Variants in UNCX observed in about 807,000 individuals in gnomAD.
UNCX encodes the protein UNC homeobox, also known as homeobox protein unc-4 homolog.
A neutral mutation model predicts 14.8 loss-of-function variants in UNCX; 4 were observed. The ratio of observed to expected loss-of-function variants is 0.27; its 90% CI spans 0.13 to 0.62. UNCX has a LOEUF of 0.62. UNCX is among the 20% of genes least tolerant of loss of function. UNCX has a pLI of 0.86. For missense variants in UNCX, 749 were observed against 786.8 expected, an observed-to-expected ratio of 0.95 and a Z score of 0.58; for synonymous variants, 459 against 395.8, an observed-to-expected ratio of 1.16 and a Z score of -1.90.
Position 1,235,868 on chromosome 7 carries a change from A to G in UNCX, c.487A>G (p.Lys163Glu), listed in dbSNP as rs969555243. The G allele has an allele frequency of 1.9e-6, 3 of 1,611,814 alleles. No individual in the cohort carries two copies. The highest frequency in any genetic ancestry group is 1.3e-5 in the African/African-American group (1 of 74,838). The change falls in exon 3 of 3, where the codon AAG becomes GAG. Residue 163 changes from lysine to glutamate, a missense_variant. Coordinates refer to ENST00000316333, the MANE Select transcript of UNCX (RefSeq NM_001080461.3). The part of the protein sequence containing the change: ...FQNRRAKWRK[K>E]ENTKKGPGRP... ...AAACCGCCGGGCCAAGTGGAGGAAG[A>G]AGGAGAACACGAAAAAGGGCCCGGG...
Position 1,233,314 on chromosome 7 carries a change from C to A in UNCX, c.274+23C>A. On this transcript the variant is annotated intron_variant, in intron 1 of 2. Transcript: ENST00000316333. This position sits in a 1 kb window ranked among gnomAD's most constrained non-coding sequence, Gnocchi z 5.3. Reference sequence around the variant, plus strand: ...CAGGTAGGCGCGGCGGGCGGGAGGGCGGGGAGGAGTGCGGCTGGGGGCGGG... The same window carrying A: ...CAGGTAGGCGCGGCGGGCGGGAGGGAGGGGAGGAGTGCGGCTGGGGGCGGG... 2.2e-6 allele frequency: 1 copy of A among 452,266 alleles called. No homozygotes were observed. Among genetic ancestry groups the A allele is most frequent in the Non-Finnish European group, 3.3e-6 (1 of 304,774 alleles). 28.0% of individuals were successfully genotyped at this position (452,266 alleles called of 1,614,324 possible). A position where few individuals can be genotyped will look rare whatever the true frequency, so the allele number is the denominator to read the frequency against.
intron 2 of UNCX, 22 bp from the exon 3 acceptor site, chr7:1,235,810 C>G (rs200535563): frequency 6.2e-7 from 1 of 1,600,306 alleles, no homozygotes; most frequent in South Asian, 1.1e-5. Context: ...GTGGCTTCCT[C>G]TCCCCTATCC....
chr7:1,235,809 T>C (rs1416302299), intron 2 of UNCX, 23 bp from the exon 3 acceptor site: 1 of 1,598,858 alleles, frequency 6.3e-7, no homozygotes, highest in South Asian at 1.1e-5. Flanking sequence ...TGTGGCTTCC[T>C]CTCCCCTATC....
chr7:1,236,422 C>G lies in UNCX; in HGVS notation c.1041C>G (p.Ala347=). The G allele has an allele frequency of 7.3e-7, 1 of 1,367,420 alleles. No homozygotes were observed. Among genetic ancestry groups the G allele is most frequent in the Non-Finnish European group, 9.4e-7 (1 of 1,058,254 alleles). 84.7% of individuals were successfully genotyped at this position (1,367,420 alleles called of 1,614,324 possible). ...CCGACTCGCCGCCGCGCCGGAAAGCCGCTTCCAACGCCGCCGCCGCCGCCG... is the reference window on the plus strand; with the variant it reads ...CCGACTCGCCGCCGCGCCGGAAAGCGGCTTCCAACGCCGCCGCCGCCGCCG... ...LLSDSPPRRK[A]ASNAAAAAAA... Residue 347 remains alanine (A), a synonymous_variant, in exon 3 of 3, where the codon GCC becomes GCG. Transcript: ENST00000316333. This position sits in a 1 kb window ranked among gnomAD's most constrained non-coding sequence, Gnocchi z 6.9.
chr7:1,236,489 C>T lies in UNCX; in HGVS notation c.1108C>T (p.Arg370Trp). Residue 370 changes from arginine to tryptophan, a missense_variant, in exon 3 of 3, where the codon CGG becomes TGG. Arg to Trp is a moderately radical substitution (Grantham distance 101). This residue lies in a region of UNCX where 552 missense variants were observed against 507.2 expected (regional missense o/e 1.09). Transcript: ENST00000316333. This position sits in a 1 kb window ranked among gnomAD's most constrained non-coding sequence, Gnocchi z 6.9. The part of the protein sequence containing the change: ...DFAPGLPCAP[R>W]TLIGKGHFLL... ...CGCGCCCGGGCTGCCGTGCGCGCCGCGGACCCTGATCGGCAAGGGCCACTT... is the reference window on the plus strand; with the variant it reads ...CGCGCCCGGGCTGCCGTGCGCGCCGTGGACCCTGATCGGCAAGGGCCACTT... The T allele has an allele frequency of 1.4e-6, 2 of 1,400,000 alleles. No homozygotes were observed. Among genetic ancestry groups the T allele is most frequent in the South Asian group, 1.4e-5 (1 of 72,670 alleles). 86.7% of individuals were successfully genotyped at this position (1,400,000 alleles called of 1,614,324 possible).
chr7:1,233,370 C>G lies in UNCX; in HGVS notation c.274+79C>G. On this transcript the variant is annotated intron_variant, in intron 1 of 2. Transcript: ENST00000316333. This position sits in a 1 kb window ranked among gnomAD's most constrained non-coding sequence, Gnocchi z 5.3. ...TGGTCCGGCCGAGGCGCTGGGGGGC[C>G]CGGGGCTGGCGAAGGAGAGCCGGCT... 1 of 1,319,912 alleles carries G rather than the reference C, an allele frequency of 7.6e-7. No individual in the cohort carries two copies. Among genetic ancestry groups the G allele is most frequent in the Non-Finnish European group, 9.6e-7 (1 of 1,039,432 alleles). The allele number at this position is 1,319,912 out of a possible 1,614,324, so 81.8% of individuals were successfully genotyped here.
In UNCX at chr7:1,234,204, T is replaced by C. The variant is rs556126461; in HGVS notation, c.450+509T>C. Among the ~76,000 whole-genome samples, 7 of 152,372 alleles carry C rather than the reference T, an allele frequency of 4.6e-5. No individual in the cohort carries two copies. The East Asian group carries it at 1.3e-3, about 29-fold the overall frequency. ...GGAAACATGTATTTATTCATCGCTT[T>C]GCAGAAGGGAACAGCTGAGGAAGGG... is the stretch of plus-strand genomic sequence containing the variant. On this transcript the variant is annotated intron_variant, in intron 2 of 2. Coordinates refer to ENST00000316333, the MANE Select transcript of UNCX (RefSeq NM_001080461.3).
chr7:1,233,243 C>T lies in UNCX; in HGVS notation c.226C>T (p.Pro76Ser), dbSNP rs779228105. The T allele has an allele frequency of 2.6e-5, 36 of 1,377,112 alleles. No individual in the cohort carries two copies. The highest frequency in any genetic ancestry group is 3.3e-5 in the Non-Finnish European group (35 of 1,071,206). 85.3% of individuals were successfully genotyped at this position (1,377,112 alleles called of 1,614,324 possible). Reference protein sequence around the residue: ...ASVVNPTPLLPAACGVGGDGQ... With the variant: ...ASVVNPTPLLSAACGVGGDGQ... ...GGTGGTCAACCCCACGCCGCTGCTG[C>T]CAGCCGCCTGCGGGGTCGGCGGGGA... The change falls in exon 1 of 3, where the codon CCA becomes TCA. Residue 76 changes from proline to serine, a missense_variant. Around this residue, in one of 3 missense-constraint regions of UNCX, gnomAD observed 155 missense variants for 166.7 expected, o/e 0.93. Transcript: ENST00000316333. This position sits in a 1 kb window ranked among gnomAD's most constrained non-coding sequence, Gnocchi z 5.3.
intron 2 of UNCX, among the ~76,000 whole-genome samples, chr7:1,234,788 C>A: frequency 7.0e-6 from 1 of 143,656 alleles, no homozygotes; most frequent in Non-Finnish European, 1.5e-5. Flanking sequence ...AAGGAAAAGG[C>A]GGTTACAGCG....
rs1778747439 is a variant in UNCX, at chr7:1,236,590, G to A, written c.1209G>A (p.Glu403=). The change falls in exon 3 of 3, where the codon GAG becomes GAA. Residue 403 remains glutamate, a synonymous_variant. Transcript: ENST00000316333. This position sits in a 1 kb window ranked among gnomAD's most constrained non-coding sequence, Gnocchi z 6.9. The part of the protein sequence containing the change: ...QAALKGGAGL[E]PAPKDAPPAP... ...CGCTCAAGGGCGGCGCGGGCCTGGA[G>A]CCGGCGCCCAAGGACGCGCCGCCCG... The A allele has an allele frequency of 8.3e-7, 1 of 1,198,296 alleles. No homozygotes were observed. Among genetic ancestry groups the A allele is most frequent in the Non-Finnish European group, 1.0e-6 (1 of 965,130 alleles). 74.2% of individuals were successfully genotyped at this position (1,198,296 alleles called of 1,614,324 possible). A position where few individuals can be genotyped will look rare whatever the true frequency, so the allele number is the denominator to read the frequency against.
intron 2 of UNCX, among the ~76,000 whole-genome samples, chr7:1,234,889 G>T (rs774072423): frequency 6.6e-6 from 1 of 152,098 alleles, no homozygotes; most frequent in African/African-American, 2.4e-5. Context: ...AAGTCTCTGT[G>T]TGGCCGCGAC....
Position 1,233,770 on chromosome 7 carries a change from A to T in UNCX, c.450+75A>T, listed in dbSNP as rs1289317739. The T allele has an allele frequency of 1.3e-6, 2 of 1,506,640 alleles. No individual in the cohort carries two copies. The highest frequency in any genetic ancestry group is 1.4e-5 in the African/African-American group (1 of 70,372). The allele number at this position is 1,506,640 out of a possible 1,614,324, so 93.3% of individuals were successfully genotyped here. A position where few individuals can be genotyped will look rare whatever the true frequency, so the allele number is the denominator to read the frequency against. ...GGGCGCGCCGGGACGCCTTTGTTCC[A>T]GGTGGCGAGATATCGTCCCCTTGCC... On this transcript the variant is annotated intron_variant, in intron 2 of 2. Coordinates refer to ENST00000316333, the MANE Select transcript of UNCX (RefSeq NM_001080461.3). This position sits in a 1 kb window ranked among gnomAD's most constrained non-coding sequence, Gnocchi z 5.3.
rs913610848 is a variant in UNCX at position 1,236,563 on chromosome 7, C to A, written c.1182C>A (p.Ala394=). 3.0e-6 allele frequency: 4 copies of A among 1,353,708 alleles called. No individual in the cohort carries two copies. The African/African-American group carries it at 6.2e-5, about 21-fold the overall frequency. The allele number at this position is 1,353,708 out of a possible 1,614,324, so 83.9% of individuals were successfully genotyped here. The stretch of plus-strand genomic sequence containing the variant: ...CGCTCGGCTTCCTGGTGCCGCAGGC[C>A]GCGCTCAAGGGCGGCGCGGGCCTGG... ...TQPLGFLVPQ[A]ALKGGAGLEP... Residue 394 remains alanine, a synonymous_variant, in exon 3 of 3, where the codon GCC becomes GCA. Transcript: ENST00000316333. This position sits in a 1 kb window ranked among gnomAD's most constrained non-coding sequence, Gnocchi z 6.9.
Position 1,236,548 on chromosome 7 carries a change from C to T in UNCX, c.1167C>T (p.Phe389=), listed in dbSNP as rs756916171. 25 of 1,376,524 alleles carry T rather than the reference C, an allele frequency of 1.8e-5. No individual in the cohort carries two copies. The African/African-American group carries it at 2.9e-4, about 16-fold the overall frequency. 85.3% of individuals were successfully genotyped at this position (1,376,524 alleles called of 1,614,324 possible). A position where few individuals can be genotyped will look rare whatever the true frequency, so the allele number is the denominator to read the frequency against. ...LLYPITQPLG[F]LVPQAALKGG... Reference sequence around the variant, plus strand: ...ACCCCATCACGCAGCCGCTCGGCTTCCTGGTGCCGCAGGCCGCGCTCAAGG... The same window carrying T: ...ACCCCATCACGCAGCCGCTCGGCTTTCTGGTGCCGCAGGCCGCGCTCAAGG... The change falls in exon 3 of 3, where the codon TTC becomes TTT. Residue 389 remains phenylalanine, a synonymous_variant. Coordinates refer to ENST00000316333, the MANE Select transcript of UNCX (RefSeq NM_001080461.3). This position sits in a 1 kb window ranked among gnomAD's most constrained non-coding sequence, Gnocchi z 6.9.
rs2128272735 is a variant in UNCX, at chr7:1,235,824, T to C, written c.451-8T>C. ...TGTGGCTTCCTCTCCCCTATCCGGC[T>C]GCTCTAGGTCTGGTTCCAAAACCGC... On this transcript the variant is annotated splice_region_variant and splice_polypyrimidine_tract_variant and intron_variant, in intron 2 of 2. Coordinates refer to ENST00000316333, the MANE Select transcript of UNCX (RefSeq NM_001080461.3). The C allele has an allele frequency of 3.7e-6, 6 of 1,607,558 alleles. No homozygotes were observed. The highest frequency in any genetic ancestry group is 1.3e-5 in the African/African-American group (1 of 74,770).
At position 1,235,948 on chromosome 7, in the gene UNCX, G is replaced by T; in HGVS notation, c.567G>T (p.Pro189=). The T allele has an allele frequency of 6.2e-7, 1 of 1,612,426 alleles. No homozygotes were observed. Among genetic ancestry groups the T allele is most frequent in the South Asian group, 1.1e-5 (1 of 90,988 alleles). ...CGTGCAGCGGCGAGCCCATGGACCCGGAGGAGATCGCGCGCAAGGAGCTGG... is the reference window on the plus strand; with the variant it reads ...CGTGCAGCGGCGAGCCCATGGACCCTGAGGAGATCGCGCGCAAGGAGCTGG... ...PTTCSGEPMD[P]EEIARKELEK... The change falls in exon 3 of 3, where the codon CCG becomes CCT. Residue 189 remains proline, a synonymous_variant. Transcript: ENST00000316333.
rs1488574516 is a variant in UNCX, at chr7:1,233,362, T to C, written c.274+71T>C. ...GGGGGCCCTGGTCCGGCCGAGGCGC[T>C]GGGGGGCCCGGGGCTGGCGAAGGAG... On this transcript the variant is annotated intron_variant, in intron 1 of 2. Transcript: ENST00000316333. This position sits in a 1 kb window ranked among gnomAD's most constrained non-coding sequence, Gnocchi z 5.3. 2 of 1,184,630 alleles carry C rather than the reference T, an allele frequency of 1.7e-6. No individual in the cohort carries two copies. The highest frequency in any genetic ancestry group is 2.1e-6 in the Non-Finnish European group (2 of 963,600). The allele number at this position is 1,184,630 out of a possible 1,614,324, so 73.4% of individuals were successfully genotyped here.
At position 1,234,611 on chromosome 7, in the gene UNCX, T is replaced by G. The variant is rs950442728; in HGVS notation, c.450+916T>G. ...GGTGTGTTTGTCCTGCGCTTGGACC[T>G]CCTCTCATGACCTCTTCTGCTTGGA... On this transcript the variant is annotated intron_variant, in intron 2 of 2. Coordinates refer to ENST00000316333, the MANE Select transcript of UNCX (RefSeq NM_001080461.3). Among the ~76,000 whole-genome samples, 6 of 150,802 alleles carry G rather than the reference T, an allele frequency of 4.0e-5. No individual in the cohort carries two copies. The East Asian group carries it at 9.9e-4, about 25-fold the overall frequency.
chr7:1,235,437 C>A (rs1584082553), intron 2 of UNCX, among the ~76,000 whole-genome samples: 1 of 152,198 alleles, frequency 6.6e-6, no homozygotes, highest in African/African-American at 2.4e-5. Flanking sequence ...CCAGGCCGGG[C>A]GGGCTGCTTA....
Sources: allele counts gnomAD v4.1 joint callset (sites outside exome capture counted in the v4.1 genomes callset), GRCh38; gene constraint gnomAD v4.1.1; regional missense constraint gnomAD v4.1.1; non-coding constraint Gnocchi (gnomAD v3.1); transcripts MANE v1.5; gene names NCBI Gene and HGNC (gene_info 2026-07-23, HGNC 2026-07-21).